GABRB1: variants seen among roughly 807,000 people sequenced by gnomAD.
The protein encoded by GABRB1 is gamma-aminobutyric acid receptor subunit beta-1.
GABRB1 carries 17 observed loss-of-function variants against 51.6 expected under a neutral mutation model. The observed-to-expected ratio is 0.33, with a 90% CI of 0.23 to 0.49. The LOEUF (loss-of-function observed/expected upper bound fraction) is 0.49, where lower values mean the gene tolerates loss of function less well. Ranked by LOEUF, GABRB1 falls within the 20% of genes least tolerant of loss-of-function variation. The pLI is 0.99. For synonymous variants in GABRB1, 247 were observed against 218.9 expected (o/e 1.13, Z -1.14); for missense variants, 410 against 600.6 (o/e 0.68, Z 3.32).
At position 47,032,431 on chromosome 4, in the gene GABRB1, G is replaced by C; in HGVS notation, c.187G>C (p.Val63Leu). ...CTCCCCGGCAGGGCCCCCCGTCGAC[G>C]TTGGGATGCGGATCGATGTCGCCAG... ...RPDFGGPPVD[V>L]GMRIDVASID... Residue 63 changes from valine to leucine, a missense_variant, in exon 3 of 9, where the codon GTT becomes CTT. Val to Leu is a conservative substitution (Grantham distance 32, BLOSUM62 1). This residue lies in a region of GABRB1 where 100 missense variants were observed against 184.3 expected (regional missense o/e 0.54). Transcript: ENST00000295454. The C allele has an allele frequency of 6.3e-7, 1 of 1,593,600 alleles. No homozygotes were observed. The highest frequency in any genetic ancestry group is 8.6e-7 in the Non-Finnish European group (1 of 1,166,896).
chr4:47,405,064 G>A, intron 7 of GABRB1, among the ~76,000 whole-genome samples: 1 of 152,178 alleles, frequency 6.6e-6, no homozygotes, highest in East Asian at 1.9e-4. Context: ...ACAAAGAGTA[G>A]AAGCAGAAAT....
intron 5 of GABRB1, among the ~76,000 whole-genome samples, chr4:47,374,331 G>A (rs1219471918): frequency 6.6e-6 from 1 of 152,088 alleles, no homozygotes. Context: ...TGAGGCTGCA[G>A]TGAGTCGTGA....
chr4:47,016,434 A>T (rs942797392), intron 1 of GABRB1, among the ~76,000 whole-genome samples: 4 of 152,180 alleles, frequency 2.6e-5, no homozygotes, highest in African/African-American at 9.7e-5. Flanking sequence ...TGACTTGATC[A>T]CTAAAGTGAC....
intron 4 of GABRB1, among the ~76,000 whole-genome samples, chr4:47,235,395 A>G (rs1265709990): frequency 3.3e-5 from 5 of 152,134 alleles, no homozygotes; most frequent in African/African-American, 9.7e-5. Flanking sequence ...CTAAAAATAC[A>G]AAAATTAGCT....
At position 47,425,812 on chromosome 4, in the gene GABRB1, C is replaced by A. The variant is rs772931787; in HGVS notation, c.1219C>A (p.Pro407Thr). 1 of 1,614,144 alleles carries A rather than the reference C, an allele frequency of 6.2e-7. No individual in the cohort carries two copies. Among genetic ancestry groups the A allele is most frequent in the Non-Finnish European group, 8.5e-7 (1 of 1,180,014 alleles). Residue 407 changes from proline (P) to threonine (T), a missense_variant, in exon 9 of 9, where the codon CCC becomes ACC. This residue lies in a region of GABRB1 where 181 missense variants were observed against 195.6 expected (regional missense o/e 0.93). Coordinates refer to ENST00000295454, the MANE Select transcript of GABRB1 (RefSeq NM_000812.4). The part of the protein sequence containing the change: ...YDSASIQYRK[P>T]LSSREAYGRA... ...CAGCGCCAGCATCCAGTACCGCAAGCCCCTGAGCAGCCGCGAGGCCTACGG... is the reference window on the plus strand; with the variant it reads ...CAGCGCCAGCATCCAGTACCGCAAGACCCTGAGCAGCCGCGAGGCCTACGG...
intron 4 of GABRB1, among the ~76,000 whole-genome samples, chr4:47,197,116 A>G (rs10002281): frequency 0.14 from 21,037 of 152,142 alleles, 1,902 homozygotes; most frequent in East Asian, 0.31. Context: ...TAACAACCAG[A>G]TTTCCTCTGG....
chr4:47,172,144 T>C (rs1331038676), intron 4 of GABRB1, among the ~76,000 whole-genome samples: 1 of 152,174 alleles, frequency 6.6e-6, no homozygotes, highest in Non-Finnish European at 1.5e-5. Flanking sequence ...CAGCATCCCA[T>C]CATCATTTTG....
At chr4:47,316,821 T>C (rs1724911329) in intron 4 of GABRB1, among the ~76,000 whole-genome samples, 1 of 151,938 alleles carries the variant, frequency 6.6e-6, no homozygotes, top group Non-Finnish European at 1.5e-5. Context: ...AAGCAAGTAC[T>C]TCACTATTTA....
intron 1 of GABRB1, among the ~76,000 whole-genome samples, chr4:47,003,940 T>C (rs1340185215): frequency 6.6e-6 from 1 of 152,238 alleles, no homozygotes; most frequent in East Asian, 1.9e-4. Flanking sequence ...TCATTAATTA[T>C]GTTATGCGGC....
intron 3 of GABRB1, among the ~76,000 whole-genome samples, chr4:47,093,979 T>C (rs1421648592): frequency 6.6e-6 from 1 of 151,982 alleles, no homozygotes; most frequent in Non-Finnish European, 1.5e-5. Flanking sequence ...AAGTGATCAC[T>C]ACTGCCTTTC....
At chr4:47,265,560 C>G (rs114867124) in intron 4 of GABRB1, among the ~76,000 whole-genome samples, 280 of 152,266 alleles carry the variant, frequency 1.8e-3, no homozygotes, top group African/African-American at 6.4e-3. Context: ...TGCCCACCAA[C>G]AGTATATAAG....
At chr4:47,123,750 A>T (rs372023056) in intron 3 of GABRB1, among the ~76,000 whole-genome samples, 4 of 78,410 alleles carry the variant, frequency 5.1e-5, no homozygotes, top group Admixed American at 2.3e-4. Flanking sequence ...TTATATATAT[A>T]ATATATTATA....
chr4:47,354,605 C>T (rs888876108), intron 5 of GABRB1, among the ~76,000 whole-genome samples: 2 of 152,052 alleles, frequency 1.3e-5, no homozygotes, highest in African/African-American at 2.4e-5. Context: ...TTTTGTATTG[C>T]AGTCTCTGTG....
chr4:47,132,113 A>C (rs1716441284), intron 3 of GABRB1, among the ~76,000 whole-genome samples: 1 of 152,202 alleles, frequency 6.6e-6, no homozygotes, highest in African/African-American at 2.4e-5. Flanking sequence ...AAGAATAAAA[A>C]TCTATTCCTA....
chr4:47,195,780 G>GA (rs1361560716), intron 4 of GABRB1, among the ~76,000 whole-genome samples: 1 of 152,114 alleles, frequency 6.6e-6, no homozygotes, highest in Non-Finnish European at 1.5e-5. Context: ...AGACTCCACT[G>GA]AATTATTCCA....
At chr4:47,391,467 C>T (rs1425154789) in intron 5 of GABRB1, among the ~76,000 whole-genome samples, 3 of 152,206 alleles carry the variant, frequency 2.0e-5, no homozygotes, top group Non-Finnish European at 4.4e-5. Context: ...ACCCTTCTCC[C>T]CACCTCAACT....
chr4:47,176,472 G>A (rs534409266), intron 4 of GABRB1, among the ~76,000 whole-genome samples: 2 of 152,210 alleles, frequency 1.3e-5, no homozygotes, highest in South Asian at 4.1e-4. Context: ...GAGGAAAACT[G>A]TAGACAAAAT....
At chr4:47,053,401 G>A (rs1423213576) in intron 3 of GABRB1, among the ~76,000 whole-genome samples, 2 of 152,088 alleles carry the variant, frequency 1.3e-5, no homozygotes, top group African/African-American at 2.4e-5. Context: ...TTCTCTCAAG[G>A]CAAAAAGATT....
intron 4 of GABRB1, among the ~76,000 whole-genome samples, chr4:47,234,401 C>A (rs1282392349): frequency 6.6e-6 from 1 of 151,810 alleles, no homozygotes; most frequent in African/African-American, 2.4e-5. Flanking sequence ...GCAGGAGAAT[C>A]GCTTGAACCC....
Sources: gnomAD v4.1 joint callset for allele counts (sites outside exome capture counted in the v4.1 genomes callset) on GRCh38, gnomAD v4.1.1 for gene constraint, gnomAD v4.1.1 regional missense constraint, MANE v1.5 for transcripts, NCBI Gene and HGNC (gene_info 2026-07-23, HGNC 2026-07-21) for gene names.